The following FAF2 variants were observed in gnomAD, a reference collection of about 807,000 sequenced individuals.
FAF2 encodes Fas associated factor family member 2.
Under a neutral mutation model 62.3 loss-of-function variants are expected in FAF2, and 9 were observed. The observed-to-expected ratio is 0.14, with a 90% CI of 0.09 to 0.25. The LOEUF (loss-of-function observed/expected upper bound fraction) is 0.25, where lower values mean the gene tolerates loss of function less well. Among genes scored for constraint, FAF2 ranks in the 10% least tolerant of loss-of-function variants. The pLI, the probability that FAF2 is intolerant of heterozygous loss-of-function variation, is 1.00. For synonymous variants in FAF2, 202 were observed against 198.0 expected, an observed-to-expected ratio of 1.02 and a Z score of -0.17; for missense variants, 368 against 556.2, an observed-to-expected ratio of 0.66 and a Z score of 3.40.
intron 1 of FAF2, among the ~76,000 whole-genome samples, chr5:176,455,271 A>G (rs1283856104): frequency 6.6e-6 from 1 of 152,058 alleles, no homozygotes; most frequent in Admixed American, 6.6e-5. Context: ...CCTCATCTCT[A>G]CTAAAACTAC....
chr5:176,488,292 A>G (rs557731365), intron 3 of FAF2, among the ~76,000 whole-genome samples: 4 of 152,242 alleles, frequency 2.6e-5, no homozygotes, highest in African/African-American at 9.6e-5. Context: ...TCTGTATACC[A>G]TATTTTGATG....
At chr5:176,461,159 G>A (rs139493922) in intron 1 of FAF2, among the ~76,000 whole-genome samples, 11 of 151,776 alleles carry the variant, frequency 7.2e-5, no homozygotes, top group Non-Finnish European at 7.4e-5. Context: ...GATTACAGGC[G>A]CATACTAACA....
At chr5:176,466,521 T>C (rs1469265422) in intron 1 of FAF2, among the ~76,000 whole-genome samples, 1 of 152,170 alleles carries the variant, frequency 6.6e-6, no homozygotes, top group Admixed American at 6.6e-5. Flanking sequence ...CTTAGGAAAA[T>C]GAGGAGATTA....
intron 3 of FAF2, among the ~76,000 whole-genome samples, chr5:176,487,156 A>G (rs1758886312): frequency 6.6e-6 from 1 of 152,146 alleles, no homozygotes; most frequent in African/African-American, 2.4e-5. Context: ...CTCCATCATC[A>G]AGCCTTTTTG....
At chr5:176,469,065 T>C (rs940769277) in intron 1 of FAF2, among the ~76,000 whole-genome samples, 2 of 151,720 alleles carry the variant, frequency 1.3e-5, no homozygotes, top group African/African-American at 4.8e-5. Flanking sequence ...GCCAACATGG[T>C]GAAACCCTGT....
At chr5:176,450,188 G>A (rs1299331510) in intron 1 of FAF2, among the ~76,000 whole-genome samples, 1 of 152,134 alleles carries the variant, frequency 6.6e-6, no homozygotes, top group Non-Finnish European at 1.5e-5. Context: ...CTTAAATTGA[G>A]CAGTGTGTTG....
Position 176,496,370 on chromosome 5 carries a change from T to G in FAF2, c.662-116T>G, listed in dbSNP as rs1755483412. 1.3e-5 allele frequency: 10 copies of G among 777,516 alleles called. No homozygotes were observed. In the South Asian group the frequency reaches 3.5e-4, roughly 27 times the overall value. 48.2% of individuals were successfully genotyped at this position (777,516 alleles called of 1,614,324 possible). A position where few individuals can be genotyped will look rare whatever the true frequency, so the allele number is the denominator to read the frequency against. ...GAAAAAGCGGAGACTAAATGATACC[T>G]CTCGTCTTCCCCAACCAGGATTAAA... On this transcript the variant is annotated intron_variant, in intron 7 of 10. Coordinates refer to ENST00000261942, the MANE Select transcript of FAF2 (RefSeq NM_014613.3).
Position 176,492,255 on chromosome 5 carries a change from A to C in FAF2, c.406A>C (p.Ile136Leu), listed in dbSNP as rs746424695. 2 of 1,614,104 alleles carry C rather than the reference A, an allele frequency of 1.2e-6. No homozygotes were observed. Among genetic ancestry groups the C allele is most frequent in the Non-Finnish European group, 8.5e-7 (1 of 1,180,010 alleles). The change falls in exon 5 of 11, where the codon ATT becomes CTT. Residue 136 changes from isoleucine (I) to leucine (L), a missense_variant. Transcript: ENST00000261942. Reference sequence around the variant, plus strand: ...CCGGGTCACTGACCCCGTTGGGGACATTGTTTCATTTATGCACTCTTTTGA... The same window carrying C: ...CCGGGTCACTGACCCCGTTGGGGACCTTGTTTCATTTATGCACTCTTTTGA... ...RSRVTDPVGD[I>L]VSFMHSFEEK...
chr5:176,483,994 A>C (rs1758829782), intron 2 of FAF2, among the ~76,000 whole-genome samples: 1 of 152,004 alleles, frequency 6.6e-6, no homozygotes, highest in Non-Finnish European at 1.5e-5. Flanking sequence ...GAATTGCTTG[A>C]ACCTGGGAGG....
chr5:176,448,560 A>G lies in FAF2; in HGVS notation c.63+90A>G, dbSNP rs1195850075. On this transcript the variant is annotated intron_variant, in intron 1 of 10. Coordinates refer to ENST00000261942, the MANE Select transcript of FAF2 (RefSeq NM_014613.3). ...TCAGAACCCTCCTCAGATTGGGTTC[A>G]GATCCTTCTCAGACCAGCAGGCCGG... The G allele has an allele frequency of 9.9e-6, 13 of 1,317,426 alleles. No homozygotes were observed. In the Admixed American group the frequency reaches 3.0e-4, roughly 31 times the overall value. The allele number at this position is 1,317,426 out of a possible 1,614,324, so 81.6% of individuals were successfully genotyped here.
intron 2 of FAF2, among the ~76,000 whole-genome samples, chr5:176,481,137 C>T (rs940704040): frequency 6.6e-6 from 1 of 152,002 alleles, no homozygotes; most frequent in Non-Finnish European, 1.5e-5. Flanking sequence ...ACCTCCGCCT[C>T]CCGGGTTCAA....
At chr5:176,471,897 G>A (rs1308891193) in intron 1 of FAF2, among the ~76,000 whole-genome samples, 1 of 150,318 alleles carries the variant, frequency 6.7e-6, no homozygotes, top group African/African-American at 2.5e-5. Context: ...CACCAGGCTG[G>A]TCACAAATTC....
At chr5:176,452,740 C>G (rs1758211348) in intron 1 of FAF2, among the ~76,000 whole-genome samples, 1 of 152,080 alleles carries the variant, frequency 6.6e-6, no homozygotes, top group Non-Finnish European at 1.5e-5. Flanking sequence ...TAAATTAAAG[C>G]CAGATTTTGG....
intron 10 of FAF2, among the ~76,000 whole-genome samples, chr5:176,501,928 AT>A (rs1041114963): frequency 6.6e-6 from 1 of 151,578 alleles, no homozygotes; most frequent in South Asian, 2.1e-4. Flanking sequence ...TAATTTTTGT[AT>A]TTTTTTTAGT....
rs1384219756 is a variant in FAF2, at chr5:176,509,896, A to G, written c.*2946A>G. ...CCGCTCTACAACTGGTTTTTTTAGGACTTGTGAGGAACACAGCAACGGAAA... is the reference window on the plus strand; with the variant it reads ...CCGCTCTACAACTGGTTTTTTTAGGGCTTGTGAGGAACACAGCAACGGAAA... On this transcript the variant is annotated 3_prime_UTR_variant, in exon 11 of 11. Coordinates refer to ENST00000261942, the MANE Select transcript of FAF2 (RefSeq NM_014613.3). 1 of 152,634 alleles carries G rather than the reference A, an allele frequency of 6.6e-6. No homozygotes were observed. Among genetic ancestry groups the G allele is most frequent in the Non-Finnish European group, 1.5e-5 (1 of 68,046 alleles). The allele number at this position is 152,634 out of a possible 1,614,324, so 9.5% of individuals were successfully genotyped here.
At chr5:176,478,941 T>A (rs779084552) in intron 1 of FAF2, among the ~76,000 whole-genome samples, 3 of 152,206 alleles carry the variant, frequency 2.0e-5, no homozygotes, top group Non-Finnish European at 2.9e-5. Context: ...AGAATATTGA[T>A]CTTAGTCAGT....
At chr5:176,470,775 A>G (rs577404279) in intron 1 of FAF2, among the ~76,000 whole-genome samples, 1 of 152,336 alleles carries the variant, frequency 6.6e-6, no homozygotes, top group East Asian at 1.9e-4. Flanking sequence ...ATCACTGGAA[A>G]ACGATCCTGC....
chr5:176,451,058 C>T (rs537806614), intron 1 of FAF2, among the ~76,000 whole-genome samples: 1 of 152,254 alleles, frequency 6.6e-6, no homozygotes, highest in South Asian at 2.1e-4. Flanking sequence ...AGTTGATGTA[C>T]ATTAACTCTT....
chr5:176,463,791 G>A (rs1198485349), intron 1 of FAF2, among the ~76,000 whole-genome samples: 3 of 147,952 alleles, frequency 2.0e-5, no homozygotes, highest in East Asian at 2.0e-4. Context: ...GTGCAGTGGC[G>A]TGATCTTGGC....
Sources: allele counts gnomAD v4.1 joint callset (sites outside exome capture counted in the v4.1 genomes callset), GRCh38; gene constraint gnomAD v4.1.1; transcripts MANE v1.5; gene names NCBI Gene and HGNC (gene_info 2026-07-23, HGNC 2026-07-21).